The following NAV2 variants were observed in gnomAD, a reference collection of about 807,000 sequenced individuals.
NAV2 encodes helicase, APC down-regulated 1.
NAV2 carries 54 observed loss-of-function variants against 223.2 expected under a neutral mutation model. The observed-to-expected ratio is 0.24, with a 90% CI of 0.19 to 0.30. NAV2 has a LOEUF of 0.30. Ranked by LOEUF, NAV2 falls within the 10% of genes least tolerant of loss-of-function variation. The pLI, the probability that NAV2 is intolerant of heterozygous loss-of-function variation, is 1.00. For synonymous variants in NAV2, 1,279 were observed against 1,239.3 expected (o/e 1.03, Z -0.67); for missense variants, 2,806 against 3,147.5 (o/e 0.89, Z 2.60).
chr11:19,504,040 G>A (rs2043043255), intron 1 of NAV2, among the ~76,000 whole-genome samples: 2 of 152,154 alleles, frequency 1.3e-5, no homozygotes, highest in South Asian at 4.1e-4. Context: ...ATATACGGAT[G>A]GCAAAAACAC....
At chr11:19,395,036 T>C (rs777647487) in intron 1 of NAV2, among the ~76,000 whole-genome samples, 38 of 152,160 alleles carry the variant, frequency 2.5e-4, no homozygotes, top group Middle Eastern at 3.2e-3. Flanking sequence ...ACATTAGCAG[T>C]GCCAATGACC....
intron 26 of NAV2, among the ~76,000 whole-genome samples, chr11:20,085,252 G>A (rs1299921256): frequency 6.6e-6 from 1 of 151,802 alleles, no homozygotes; most frequent in Non-Finnish European, 1.5e-5. Flanking sequence ...AAATACTAGT[G>A]GAGACATGAC....
At chr11:19,923,959 T>A (rs1051559886) in intron 6 of NAV2, among the ~76,000 whole-genome samples, 2 of 152,160 alleles carry the variant, frequency 1.3e-5, no homozygotes, top group African/African-American at 2.4e-5. Flanking sequence ...AGAATAGGCA[T>A]GTCTTATATT....
intron 1 of NAV2, among the ~76,000 whole-genome samples, chr11:19,622,769 AG>A (rs1459592258): frequency 6.6e-6 from 1 of 152,154 alleles, no homozygotes; most frequent in Non-Finnish European, 1.5e-5. Context: ...TTTACATTTA[AG>A]GTTAATATTG....
intron 35 of NAV2, 42 bp downstream of exon 35, chr11:20,105,769 C>T (rs2061980406): frequency 6.6e-7 from 1 of 1,514,330 alleles, no homozygotes. Context: ...CTGGCATCCT[C>T]AGGTGCCCAT....
chr11:19,881,916 G>A (rs1013275230), intron 5 of NAV2, among the ~76,000 whole-genome samples: 1 of 152,186 alleles, frequency 6.6e-6, no homozygotes, highest in African/African-American at 2.4e-5. Context: ...GGAGGAGAGG[G>A]ATCAGTGATA....
At chr11:19,905,552 A>G (rs922921327) in intron 6 of NAV2, among the ~76,000 whole-genome samples, 2 of 152,200 alleles carry the variant, frequency 1.3e-5, no homozygotes, top group East Asian at 1.9e-4. Context: ...CTATTTCTGT[A>G]TACTAGAGAC....
chr11:19,658,828 T>C (rs948219198), intron 1 of NAV2, among the ~76,000 whole-genome samples: 3 of 152,174 alleles, frequency 2.0e-5, no homozygotes, highest in Admixed American at 6.5e-5. Flanking sequence ...TGACAGCCAA[T>C]ATTCCAGTAC....
intron 1 of NAV2, among the ~76,000 whole-genome samples, chr11:19,407,405 G>A (rs1160252493): frequency 6.6e-6 from 1 of 152,180 alleles, no homozygotes; most frequent in Non-Finnish European, 1.5e-5. Flanking sequence ...AGACACAAAG[G>A]ATGACATGTG....
chr11:19,917,582 TCTAC>T (rs1305131362), intron 6 of NAV2, among the ~76,000 whole-genome samples: 1 of 152,102 alleles, frequency 6.6e-6, no homozygotes, highest in East Asian at 1.9e-4. Flanking sequence ...TCATCTCACA[TCTAC>T]CTCATTTCAT....
chr11:20,098,327 G>A (rs779946123), intron 31 of NAV2, among the ~76,000 whole-genome samples: 1 of 152,182 alleles, frequency 6.6e-6, no homozygotes, highest in Non-Finnish European at 1.5e-5. Context: ...CCCCATTTGT[G>A]TTTAGGGGAC....
chr11:19,713,515 A>C lies in NAV2; in HGVS notation c.-181A>C, dbSNP rs1412888032. On this transcript the variant is annotated 5_prime_UTR_variant, in exon 1 of 38. Transcript: ENST00000349880. This position sits in a 1 kb window ranked among gnomAD's most constrained non-coding sequence, Gnocchi z 7.2. ...TCCCCCATTCCCATCCCGGCACCCC[A>C]AAGGCGCGCTCGCCCGATTGCTTCG... is the stretch of plus-strand genomic sequence containing the variant. The C allele has an allele frequency of 7.2e-7, 1 of 1,391,880 alleles. No homozygotes were observed. Among genetic ancestry groups the C allele is most frequent in the Non-Finnish European group, 9.3e-7 (1 of 1,078,548 alleles). The allele number at this position is 1,391,880 out of a possible 1,614,324, so 86.2% of individuals were successfully genotyped here.
intron 36 of NAV2, among the ~76,000 whole-genome samples, chr11:20,109,564 C>A (rs192912051): frequency 1.3e-5 from 2 of 152,360 alleles, no homozygotes; most frequent in African/African-American, 4.8e-5. Context: ...CTGCTGGATT[C>A]TTGCAGTCTG....
chr11:19,719,881 C>A (rs140391827), intron 1 of NAV2, among the ~76,000 whole-genome samples: 2,703 of 152,296 alleles, frequency 0.018, 39 homozygotes, highest in Non-Finnish European at 0.025. Context: ...CCGCTACAAA[C>A]CAAACTTGTG....
intron 4 of NAV2, among the ~76,000 whole-genome samples, chr11:19,877,618 G>A (rs991535193): frequency 1.3e-5 from 2 of 151,456 alleles, no homozygotes; most frequent in Admixed American, 6.6e-5. Flanking sequence ...GACCACACGC[G>A]CCCGCCACCA....
intron 12 of NAV2, among the ~76,000 whole-genome samples, chr11:20,038,037 T>G (rs1454746445): frequency 3.3e-5 from 5 of 152,176 alleles, no homozygotes; most frequent in Non-Finnish European, 7.3e-5. Flanking sequence ...AGGAGAAGCT[T>G]GCTCCTGAGA....
chr11:19,978,178 G>A (rs961677180), intron 10 of NAV2, among the ~76,000 whole-genome samples: 7 of 151,750 alleles, frequency 4.6e-5, no homozygotes, highest in East Asian at 1.9e-4. Flanking sequence ...CTCGCTGGCC[G>A]GTGCATCCTC....
intron 10 of NAV2, among the ~76,000 whole-genome samples, chr11:19,972,137 C>T (rs2049305714): frequency 1.3e-5 from 2 of 152,200 alleles, no homozygotes; most frequent in Non-Finnish European, 2.9e-5. Flanking sequence ...AATAGCTCCA[C>T]AACAACTCAA....
intron 3 of NAV2, among the ~76,000 whole-genome samples, chr11:19,850,090 A>G (rs2061029189): frequency 6.6e-6 from 1 of 152,150 alleles, no homozygotes; most frequent in Non-Finnish European, 1.5e-5. Flanking sequence ...GAGGCCGTGT[A>G]TTTTCATGCC....
Sources: gnomAD v4.1 joint callset for allele counts (sites outside exome capture counted in the v4.1 genomes callset) on GRCh38, gnomAD v4.1.1 for gene constraint, Gnocchi (gnomAD v3.1) non-coding constraint, MANE v1.5 for transcripts, NCBI Gene and HGNC (gene_info 2026-07-23, HGNC 2026-07-21) for gene names.